Variants in EXT1 observed in about 807,000 individuals in gnomAD.
EXT1 encodes exostosin-1.
EXT1 carries 20 observed loss-of-function variants against 82.5 expected under a neutral mutation model. That is an observed-to-expected ratio of 0.24 (90% CI 0.17 to 0.35). The LOEUF (loss-of-function observed/expected upper bound fraction) is 0.35. EXT1 is among the 10% of genes least tolerant of loss of function. EXT1 has a pLI of 1.00. For synonymous variants in EXT1, 348 were observed against 350.8 expected (o/e 0.99, Z 0.09); for missense variants, 757 against 936.5 (o/e 0.81, Z 2.50).
At chr8:118,103,297 C>T (rs887256113) in intron 1 of EXT1, among the ~76,000 whole-genome samples, 4 of 152,112 alleles carry the variant, frequency 2.6e-5, no homozygotes, top group African/African-American at 9.7e-5. Flanking sequence ...CAGGTGTGCA[C>T]CACCATGCCC....
intron 1 of EXT1, among the ~76,000 whole-genome samples, chr8:117,913,464 C>T (rs1283144656): frequency 6.6e-6 from 1 of 152,134 alleles, no homozygotes; most frequent in African/African-American, 2.4e-5. Context: ...CTTTTTTAAA[C>T]CATGTGGAGA....
At chr8:118,009,579 C>A (rs913950229) in intron 1 of EXT1, among the ~76,000 whole-genome samples, 2 of 152,286 alleles carry the variant, frequency 1.3e-5, no homozygotes, top group African/African-American at 4.8e-5. Context: ...CGACCCTAGT[C>A]CGTGGCCTGT....
chr8:117,831,474 G>A (rs1812097236), intron 3 of EXT1: 1 of 415,722 alleles, frequency 2.4e-6, no homozygotes, highest in Non-Finnish European at 4.9e-6. Flanking sequence ...TGTACTTCCT[G>A]AGTCTGGTAA....
intron 1 of EXT1, among the ~76,000 whole-genome samples, chr8:117,871,068 T>C (rs149419823): frequency 6.1e-4 from 93 of 152,292 alleles, no homozygotes; most frequent in Non-Finnish European, 1.0e-3. Flanking sequence ...CTGAGCACAA[T>C]CTTTGGCTGT....
intron 1 of EXT1, among the ~76,000 whole-genome samples, chr8:117,894,108 C>G (rs1164055658): frequency 1.3e-5 from 2 of 152,188 alleles, no homozygotes; most frequent in East Asian, 3.9e-4. Flanking sequence ...AATTGGGCCC[C>G]TACTGCAATA....
At chr8:117,867,585 C>A (rs1437274678) in intron 1 of EXT1, among the ~76,000 whole-genome samples, 1 of 152,196 alleles carries the variant, frequency 6.6e-6, no homozygotes, top group Non-Finnish European at 1.5e-5. Context: ...TAGTCACCAA[C>A]AACCTGGCTG....
intron 1 of EXT1, among the ~76,000 whole-genome samples, chr8:117,905,483 C>T (rs924345469): frequency 3.9e-5 from 6 of 152,150 alleles, no homozygotes; most frequent in Admixed American, 1.3e-4. Context: ...CGTACCACTG[C>T]ACTCCAGCCT....
chr8:117,989,915 G>C (rs983115255), intron 1 of EXT1, among the ~76,000 whole-genome samples: 2 of 152,192 alleles, frequency 1.3e-5, no homozygotes, highest in Non-Finnish European at 2.9e-5. Flanking sequence ...CCAGACTGGA[G>C]GCGGGCACAG....
chr8:117,999,449 G>T (rs1815613869), intron 1 of EXT1, among the ~76,000 whole-genome samples: 1 of 152,212 alleles, frequency 6.6e-6, no homozygotes, highest in Non-Finnish European at 1.5e-5. Flanking sequence ...TGATGAAGCA[G>T]TATGATCTGA....
At chr8:118,100,155 T>C (rs1296768150) in intron 1 of EXT1, among the ~76,000 whole-genome samples, 1 of 152,050 alleles carries the variant, frequency 6.6e-6, no homozygotes, top group African/African-American at 2.4e-5. Context: ...TGGCCAGTGG[T>C]TGGAAGACAC....
Position 117,807,327 on chromosome 8 carries a change from C to T in EXT1, c.1773G>A (p.Gly591=), listed in dbSNP as rs1823254501. 1 of 1,614,180 alleles carries T rather than the reference C, an allele frequency of 6.2e-7. No individual in the cohort carries two copies. Among genetic ancestry groups the T allele is most frequent in the Non-Finnish European group, 8.5e-7 (1 of 1,180,038 alleles). ...VWQSFPERIV[G]YPARSHFWDN... is the part of the protein sequence containing the mutation. ...CCCAGAAGTGGCTGCGCGCGGGGTA[C>T]CCCACAATCCTCTCAGGGAAGCTCT... Residue 591 remains glycine (G), a synonymous_variant, in exon 9 of 11, where the codon GGG becomes GGA. Transcript: ENST00000378204.
At chr8:118,059,621 C>T (rs952524810) in intron 1 of EXT1, among the ~76,000 whole-genome samples, 1 of 152,268 alleles carries the variant, frequency 6.6e-6, no homozygotes, top group Non-Finnish European at 1.5e-5. Context: ...CATCCGTTCC[C>T]TGCTATGGTC....
chr8:118,070,182 T>G (rs1184574659), intron 1 of EXT1, among the ~76,000 whole-genome samples: 2 of 152,004 alleles, frequency 1.3e-5, no homozygotes, highest in African/African-American at 4.8e-5. Context: ...TTCACTTAAC[T>G]TTTTTCTGAT....
At chr8:118,071,602 G>C (rs1453270336) in intron 1 of EXT1, among the ~76,000 whole-genome samples, 1 of 152,128 alleles carries the variant, frequency 6.6e-6, no homozygotes, top group Non-Finnish European at 1.5e-5. Context: ...GCTAAAAATA[G>C]CTCAATTGGA....
At chr8:118,105,378 C>T (rs1031239763) in intron 1 of EXT1, among the ~76,000 whole-genome samples, 10 of 152,192 alleles carry the variant, frequency 6.6e-5, no homozygotes, top group African/African-American at 2.2e-4. Context: ...AGCCATTATT[C>T]GTAGAGTAAA....
At chr8:118,079,535 C>G (rs1426128720) in intron 1 of EXT1, among the ~76,000 whole-genome samples, 1 of 152,152 alleles carries the variant, frequency 6.6e-6, no homozygotes, top group Non-Finnish European at 1.5e-5. Flanking sequence ...CATTGTTCAG[C>G]CGGCTGGTGT....
intron 1 of EXT1, among the ~76,000 whole-genome samples, chr8:118,059,024 A>G (rs1160607396): frequency 6.6e-6 from 1 of 152,214 alleles, no homozygotes; most frequent in Non-Finnish European, 1.5e-5. Flanking sequence ...TTCCAGGAAG[A>G]AAGATCAGAT....
chr8:117,958,045 G>A (rs1462109085), intron 1 of EXT1, among the ~76,000 whole-genome samples: 3 of 152,146 alleles, frequency 2.0e-5, no homozygotes, highest in Non-Finnish European at 4.4e-5. Context: ...TTTGGAAAAG[G>A]AGGGAAGAGA....
intron 1 of EXT1, among the ~76,000 whole-genome samples, chr8:117,938,845 T>G (rs1401691582): frequency 6.6e-6 from 1 of 152,170 alleles, no homozygotes; most frequent in African/African-American, 2.4e-5. Context: ...CACATAAGCA[T>G]AAAATAATCA....
Sources: gnomAD v4.1 joint callset for allele counts (sites outside exome capture counted in the v4.1 genomes callset) on GRCh38, gnomAD v4.1.1 for gene constraint, MANE v1.5 for transcripts, NCBI Gene and HGNC (gene_info 2026-07-23, HGNC 2026-07-21) for gene names.